The following SPECC1L variants were observed in gnomAD, a reference collection of about 807,000 sequenced individuals.
SPECC1L encodes the protein cytospin-A.
In SPECC1L, 40 loss-of-function variants were observed where a neutral mutation model predicts 116.8. The ratio of observed to expected loss-of-function variants is 0.34; its 90% CI spans 0.27 to 0.45. SPECC1L has a LOEUF of 0.45. Ranked by LOEUF, SPECC1L falls within the 20% of genes least tolerant of loss-of-function variation. The pLI, the probability that SPECC1L is intolerant of heterozygous loss-of-function variation, is 1.00. For missense variants in SPECC1L, 1,110 were observed against 1,373.6 expected, an observed-to-expected ratio of 0.81 and a Z score of 3.03; for synonymous variants, 504 against 500.6, an observed-to-expected ratio of 1.01 and a Z score of -0.09.
intron 1 of SPECC1L, among the ~76,000 whole-genome samples, chr22:24,273,371 A>G (rs556296572): frequency 2.0e-4 from 30 of 152,356 alleles, no homozygotes; most frequent in Admixed American, 7.8e-4. Context: ...ATACAATTCA[A>G]TTTATTCAAT....
chr22:24,321,951 A>T lies in SPECC1L; in HGVS notation c.971A>T (p.Asp324Val). Residue 324 changes from aspartate to valine, a missense_variant, in exon 5 of 17, where the codon GAT becomes GTT. Coordinates refer to ENST00000314328, the MANE Select transcript of SPECC1L (RefSeq NM_015330.6). ...GGCTCTGCCCCTGGCTCAGTGGAGG[A>T]TCTCTTGAGTCAGGATGAAAATACA... The part of the protein sequence containing the change: ...VEGSAPGSVE[D>V]LLSQDENTLM... 6.2e-7 allele frequency: 1 copy of T among 1,614,168 alleles called. No individual in the cohort carries two copies. The highest frequency in any genetic ancestry group is 1.1e-5 in the South Asian group (1 of 91,078).
At chr22:24,286,257 T>C (rs1002563260) in intron 2 of SPECC1L, among the ~76,000 whole-genome samples, 41 of 152,252 alleles carry the variant, frequency 2.7e-4, no homozygotes, top group African/African-American at 9.4e-4. Flanking sequence ...AGTCAAAGTT[T>C]GCTTATGTCT....
At chr22:24,392,204 G>A (rs1432571108) in intron 14 of SPECC1L, among the ~76,000 whole-genome samples, 1 of 152,208 alleles carries the variant, frequency 6.6e-6, no homozygotes, top group Non-Finnish European at 1.5e-5. Context: ...CAGTAAGTAG[G>A]TATTTTTATT....
intron 14 of SPECC1L, among the ~76,000 whole-genome samples, chr22:24,397,559 A>G (rs1047193024): frequency 1.3e-5 from 2 of 152,186 alleles, no homozygotes; most frequent in Non-Finnish European, 2.9e-5. Flanking sequence ...CAAGACAATA[A>G]TGATGCATTC....
At chr22:24,306,310 CTTTT>C (rs922993525) in intron 3 of SPECC1L, among the ~76,000 whole-genome samples, 2 of 148,328 alleles carry the variant, frequency 1.3e-5, no homozygotes, top group African/African-American at 4.9e-5. Flanking sequence ...TTTTTCCAAA[CTTTT>C]TTTTTTATTG....
chr22:24,339,493 A>G (rs1431884788), intron 10 of SPECC1L, among the ~76,000 whole-genome samples: 1 of 152,208 alleles, frequency 6.6e-6, no homozygotes, highest in Non-Finnish European at 1.5e-5. Context: ...GCAGAGGGCT[A>G]TTCAGTAGTG....
At chr22:24,372,076 T>G (rs546647825) in intron 14 of SPECC1L, among the ~76,000 whole-genome samples, 1 of 152,260 alleles carries the variant, frequency 6.6e-6, no homozygotes, top group Admixed American at 6.5e-5. Context: ...CTCAAAGCAG[T>G]AATCTAAGTT....
chr22:24,369,686 G>A (rs1044113142), intron 14 of SPECC1L, among the ~76,000 whole-genome samples: 1 of 152,134 alleles, frequency 6.6e-6, no homozygotes, highest in African/African-American at 2.4e-5. Context: ...CAAAATGTTA[G>A]GAACACATTC....
intron 14 of SPECC1L, among the ~76,000 whole-genome samples, chr22:24,385,863 A>G (rs1210447465): frequency 1.3e-5 from 2 of 152,250 alleles, no homozygotes; most frequent in Non-Finnish European, 2.9e-5. Flanking sequence ...GTAGAGCTAT[A>G]GAAGATGTAA....
chr22:24,412,717 T>C lies in SPECC1L; in HGVS notation c.3264+10T>C. 1 of 1,613,980 alleles carries C rather than the reference T, an allele frequency of 6.2e-7. No individual in the cohort carries two copies. The highest frequency in any genetic ancestry group is 8.5e-7 in the Non-Finnish European group (1 of 1,179,984). ...CATCAAATCCACACTGGTGAGCCCT[T>C]GTCCCCCTGAGTCACTGGCAGGGCC... is the stretch of plus-strand genomic sequence containing the variant. On this transcript the variant is annotated intron_variant, in intron 16 of 16. Coordinates refer to ENST00000314328, the MANE Select transcript of SPECC1L (RefSeq NM_015330.6).
At chr22:24,378,257 C>T (rs887422703) in intron 14 of SPECC1L, among the ~76,000 whole-genome samples, 2 of 152,218 alleles carry the variant, frequency 1.3e-5, no homozygotes, top group African/African-American at 4.8e-5. Context: ...TCTTCTGCAG[C>T]TTCGTCACCA....
chr22:24,340,489 A>G (rs907428104), intron 10 of SPECC1L, among the ~76,000 whole-genome samples: 1 of 152,170 alleles, frequency 6.6e-6, no homozygotes, highest in Non-Finnish European at 1.5e-5. Context: ...ATCAAACTTC[A>G]TCTAAAATTC....
chr22:24,321,186 T>A lies in SPECC1L; in HGVS notation c.308-102T>A, dbSNP rs2040714503. 3.7e-5 allele frequency: 48 copies of A among 1,293,710 alleles called. 1 individual carries two copies. In the South Asian group the frequency reaches 5.7e-4, roughly 15 times the overall value. 80.1% of individuals were successfully genotyped at this position (1,293,710 alleles called of 1,614,324 possible). On this transcript the variant is annotated intron_variant, in intron 4 of 16. Transcript: ENST00000314328. ...TTGTAGATCTAAATCATTGTGTAGA[T>A]CCTGGATTTCATCTCATTACACCTG...
At chr22:24,392,795 TATCTC>T (rs1023322534) in intron 14 of SPECC1L, among the ~76,000 whole-genome samples, 45 of 152,332 alleles carry the variant, frequency 3.0e-4, no homozygotes, top group Non-Finnish European at 1.3e-4. Flanking sequence ...TTAGTGGGGA[TATCTC>T]ATCTCATCTC....
chr22:24,405,838 C>CAAA (rs35648769), intron 14 of SPECC1L, among the ~76,000 whole-genome samples: 1 of 136,454 alleles, frequency 7.3e-6, no homozygotes. Context: ...GACTCTGCCT[C>CAAA]AAAAAAAAAA....
intron 8 of SPECC1L, among the ~76,000 whole-genome samples, chr22:24,332,575 C>G (rs1444252949): frequency 6.6e-6 from 1 of 152,118 alleles, no homozygotes; most frequent in African/African-American, 2.4e-5. Context: ...CCTGCCTTAT[C>G]TATGTAAGAC....
At chr22:24,323,849 C>T (rs958992025) in intron 5 of SPECC1L, among the ~76,000 whole-genome samples, 2 of 152,206 alleles carry the variant, frequency 1.3e-5, no homozygotes, top group African/African-American at 4.8e-5. Context: ...CAGTTTGATA[C>T]TGGAACCGTC....
At position 24,414,699 on chromosome 22, in the gene SPECC1L, C is replaced by T. The variant is rs201558232; in HGVS notation, c.*76C>T. 2.3e-5 allele frequency: 29 copies of T among 1,285,724 alleles called. No homozygotes were observed. The East Asian group carries it at 3.5e-4, about 16-fold the overall frequency. The allele number at this position is 1,285,724 out of a possible 1,614,324, so 79.6% of individuals were successfully genotyped here. Reference sequence around the variant, plus strand: ...CGAGCGACACCGACGCCATTAGCTACGCACCCCTGTAAAGCTTCCAGCAAC... The same window carrying T: ...CGAGCGACACCGACGCCATTAGCTATGCACCCCTGTAAAGCTTCCAGCAAC... On this transcript the variant is annotated 3_prime_UTR_variant, in exon 17 of 17. Coordinates refer to ENST00000314328, the MANE Select transcript of SPECC1L (RefSeq NM_015330.6).
At position 24,386,116 on chromosome 22, in the gene SPECC1L, CAA is replaced by C. The variant is rs34355662; in HGVS notation, c.3087+16807_3087+16808del. Among the ~76,000 whole-genome samples, 240 of 135,402 alleles carry C rather than the reference CAA, an allele frequency of 1.8e-3. 1 individual carries two copies. Among genetic ancestry groups the C allele is most frequent in the African/African-American group, 6.1e-3 (222 of 36,460 alleles). The allele number at this position is 135,402 out of a possible 152,430, so 88.8% of individuals were successfully genotyped here. On this transcript the variant is annotated intron_variant, in intron 14 of 16. Transcript: ENST00000314328. ...AAATTTAACTCCTGTTTATTAGTTT[CAA>C]AAAAAAAAAAGCCCCACAGAACAAA...
Sources: allele counts gnomAD v4.1 joint callset (sites outside exome capture counted in the v4.1 genomes callset), GRCh38; gene constraint gnomAD v4.1.1; transcripts MANE v1.5; gene names NCBI Gene and HGNC (gene_info 2026-07-23, HGNC 2026-07-21).